The following COG4 variants were observed in gnomAD, a reference collection of about 807,000 sequenced individuals.
COG4 encodes the protein component of oligomeric golgi complex 4.
A neutral mutation model predicts 95.1 loss-of-function variants in COG4; 65 were observed. The observed-to-expected ratio is 0.68, with a 90% CI of 0.56 to 0.84. The LOEUF (loss-of-function observed/expected upper bound fraction) is 0.84, where lower values mean the gene tolerates loss of function less well. Ranked by LOEUF, COG4 falls within the 40% of genes least tolerant of loss-of-function variation. COG4 has a pLI of 0.00. For synonymous variants in COG4, 421 were observed against 374.8 expected (o/e 1.12, Z -1.42); for missense variants, 1,045 against 989.1 (o/e 1.06, Z -0.76).
chr16:70,488,294 C>CAGCTAA (rs1213575095), intron 13 of COG4, among the ~76,000 whole-genome samples: 1 of 151,774 alleles, frequency 6.6e-6, no homozygotes, highest in African/African-American at 2.4e-5. Context: ...CCACCATGCC[C>CAGCTAA]AGCTAATTTT....
At chr16:70,521,659 G>A (rs545656954) in intron 1 of COG4, among the ~76,000 whole-genome samples, 1 of 151,398 alleles carries the variant, frequency 6.6e-6, no homozygotes, top group African/African-American at 2.4e-5. Flanking sequence ...TTAAATGACT[G>A]AATGAATGCG....
At chr16:70,494,877 C>T (rs964497600) in intron 12 of COG4, among the ~76,000 whole-genome samples, 2 of 152,102 alleles carry the variant, frequency 1.3e-5, no homozygotes, top group African/African-American at 4.8e-5. Context: ...CTTTTTTTGG[C>T]AGCAACCATG....
rs201706508 is a variant in COG4, at chr16:70,509,380, G to A, written c.853C>T (p.Arg285Cys). 1.2e-4 allele frequency: 187 copies of A among 1,614,092 alleles called. No homozygotes were observed. Among genetic ancestry groups the A allele is most frequent in the Non-Finnish European group, 1.4e-4 (171 of 1,179,992 alleles). The change falls in exon 7 of 19, where the codon CGC (arginine) becomes TGC (cysteine). Residue 285 changes from arginine to cysteine, a missense_variant. By Grantham distance (180) the Arg-to-Cys change is radical. Coordinates refer to ENST00000323786, the MANE Select transcript of COG4 (RefSeq NM_015386.3). ...ATTGGCTGGTGGGTCTCCACAATGCGGGCAATCCCTAGAAGGGAGGAAGCA... is the reference window on the plus strand; with the variant it reads ...ATTGGCTGGTGGGTCTCCACAATGCAGGCAATCCCTAGAAGGGAGGAAGCA... ...TLTLLFEGIA[R>C]IVETHQPIVE...
At chr16:70,482,000 G>A (rs2049007033) in intron 16 of COG4, 92 bp downstream of exon 16, 2 of 1,359,632 alleles carry the variant, frequency 1.5e-6, no homozygotes, top group Non-Finnish European at 1.1e-6. Context: ...GGCTTTCAGG[G>A]TCCCCAGAAG....
chr16:70,521,699 A>ATTTT (rs566000095), intron 1 of COG4, among the ~76,000 whole-genome samples: 10 of 133,860 alleles, frequency 7.5e-5, no homozygotes, highest in Non-Finnish European at 1.6e-4. Flanking sequence ...AAGATACTAA[A>ATTTT]TTTTTTTTTT....
intron 3 of COG4, chr16:70,515,820 T>C (rs746284777): frequency 3.1e-6 from 1 of 326,820 alleles, no homozygotes; most frequent in Non-Finnish European, 6.0e-6. Context: ...AGTATGATAT[T>C]AGCTGAGGGT....
intron 13 of COG4, among the ~76,000 whole-genome samples, chr16:70,488,663 T>C (rs2049184377): frequency 6.6e-6 from 1 of 152,226 alleles, no homozygotes; most frequent in Non-Finnish European, 1.5e-5. Context: ...TTCTCCTGCC[T>C]CAGCCTCCCG....
chr16:70,500,643 G>C (rs527578691), intron 9 of COG4, among the ~76,000 whole-genome samples: 3 of 152,146 alleles, frequency 2.0e-5, no homozygotes, highest in Admixed American at 1.3e-4. Context: ...TTACAGATGT[G>C]AGCCACCGTA....
intron 4 of COG4, among the ~76,000 whole-genome samples, chr16:70,512,634 T>C (rs996309848): frequency 3.9e-5 from 6 of 152,108 alleles, no homozygotes; most frequent in African/African-American, 9.7e-5. Flanking sequence ...GTAGAAGAGA[T>C]AGTTTGTGCA....
intron 9 of COG4, among the ~76,000 whole-genome samples, chr16:70,498,395 C>G (rs1026146836): frequency 6.6e-6 from 1 of 151,500 alleles, no homozygotes; most frequent in Non-Finnish European, 1.5e-5. Context: ...ATGGCGTGAT[C>G]TTGGCTCACC....
intron 17 of COG4, 62 bp downstream of exon 17, chr16:70,481,702 G>T: frequency 1.4e-6 from 2 of 1,454,198 alleles, no homozygotes; most frequent in Non-Finnish European, 9.6e-7. Flanking sequence ...GGGGGTGGTG[G>T]CATGACATGT....
intron 1 of COG4, among the ~76,000 whole-genome samples, chr16:70,520,231 C>T (rs1423516636): frequency 1.3e-5 from 2 of 152,020 alleles, no homozygotes; most frequent in African/African-American, 2.4e-5. Context: ...GTCAGGAGAT[C>T]GAAACCATCC....
At chr16:70,518,547 A>T (rs574204218) in intron 2 of COG4, among the ~76,000 whole-genome samples, 1 of 151,762 alleles carries the variant, frequency 6.6e-6, no homozygotes, top group African/African-American at 2.4e-5. Flanking sequence ...ATTTATTTTT[A>T]TTTTTTTGTT....
chr16:70,521,774 T>C (rs1023756823), intron 1 of COG4, among the ~76,000 whole-genome samples: 3 of 150,054 alleles, frequency 2.0e-5, no homozygotes, highest in African/African-American at 7.4e-5. Context: ...CGATCTCGGC[T>C]CACTGCAAGC....
At chr16:70,510,610 C>A (rs117583153) in intron 5 of COG4, among the ~76,000 whole-genome samples, 1,846 of 151,978 alleles carry the variant, frequency 0.012, 18 homozygotes, top group Non-Finnish European at 0.017. Context: ...CAGGCGTGAG[C>A]CATTATGCCT....
rs367640620 is a variant in COG4, at chr16:70,516,441, A to G, written c.369+1185T>C. Among the ~76,000 whole-genome samples the G allele has an allele frequency of 5.3e-5, 8 of 151,814 alleles. No homozygotes were observed. In the East Asian group the frequency reaches 1.4e-3, roughly 26 times the overall value. ...ACTCCTGAGTAGCTGGGACTACAGGAGCCTGTCACCACCACTGGCTAATTT... is the reference window on the plus strand; with the variant it reads ...ACTCCTGAGTAGCTGGGACTACAGGGGCCTGTCACCACCACTGGCTAATTT... On this transcript the variant is annotated intron_variant, in intron 3 of 18. Transcript: ENST00000323786.
intron 1 of COG4, among the ~76,000 whole-genome samples, chr16:70,521,726 G>T (rs1164772109): frequency 7.2e-6 from 1 of 139,552 alleles, no homozygotes; most frequent in African/African-American, 2.7e-5. Context: ...TTTTGAGACA[G>T]AGTCTCACTC....
chr16:70,481,535 A>G (rs1231495884), intron 17 of COG4, 48 bp from the exon 18 acceptor site: 1 of 1,609,326 alleles, frequency 6.2e-7, no homozygotes, highest in Non-Finnish European at 8.5e-7. Context: ...GGCCAAGCAG[A>G]ACTGGCCTCC....
rs953089005 is a variant in COG4 at position 70,518,756 on chromosome 16, C to T, written c.254+893G>A. 2.8e-4 allele frequency among the ~76,000 whole-genome samples: 42 copies of T among 151,946 alleles called. 2 individuals are homozygous for T. Among genetic ancestry groups the T allele is most frequent in the Non-Finnish European group, 1.5e-5 (1 of 67,992 alleles). On this transcript the variant is annotated intron_variant, in intron 2 of 18. Transcript: ENST00000323786. ...ACTTTGGGAGGCCAGGCGGGCGGAT[C>T]ACTTGAGGTCAGGAGTTTGAGACCA... is the stretch of plus-strand genomic sequence containing the variant.
Sources: gnomAD v4.1 joint callset for allele counts (sites outside exome capture counted in the v4.1 genomes callset) on GRCh38, gnomAD v4.1.1 for gene constraint, MANE v1.5 for transcripts, NCBI Gene and HGNC (gene_info 2026-07-23, HGNC 2026-07-21) for gene names.